MAST2: variants seen among roughly 807,000 people sequenced by gnomAD.
MAST2 encodes the protein microtubule associated serine/threonine kinase 2, also known as microtubule-associated serine/threonine-protein kinase 2.
MAST2 carries 70 observed loss-of-function variants against 147.4 expected under a neutral mutation model. That is an observed-to-expected ratio of 0.47 (90% CI 0.39 to 0.58). The LOEUF (loss-of-function observed/expected upper bound fraction) is 0.58. MAST2 is among the 20% of genes least tolerant of loss of function. The probability of loss-of-function intolerance (pLI) is 0.00; values close to 1 mark genes in which losing one functional copy is unlikely to be tolerated. For missense variants in MAST2, 2,080 were observed against 2,302.3 expected, an observed-to-expected ratio of 0.90 and a Z score of 1.98; for synonymous variants, 869 against 896.8, an observed-to-expected ratio of 0.97 and a Z score of 0.55.
intron 1 of MAST2, among the ~76,000 whole-genome samples, chr1:45,813,718 C>CG (rs1428969029): frequency 6.6e-6 from 1 of 152,006 alleles, no homozygotes; most frequent in Non-Finnish European, 1.5e-5. Flanking sequence ...AGGCTGGTCT[C>CG]GAACTTCTGA....
chr1:46,035,812 C>T lies in MAST2; in HGVS notation c.5143C>T (p.His1715Tyr). ...TQPPSAPRLA[H>Y]PSYEDPSQGW... ...GCCACCTAGTGCCCCCAGACTGGCCCATCCATCTTATGAGGATCCCAGCCA... is the reference window on the plus strand; with the variant it reads ...GCCACCTAGTGCCCCCAGACTGGCCTATCCATCTTATGAGGATCCCAGCCA... Residue 1715 changes from histidine to tyrosine, a missense_variant, in exon 29 of 29, where the codon CAT (histidine) becomes TAT (tyrosine). His to Tyr is a moderately conservative substitution (Grantham distance 83, BLOSUM62 2). This residue lies in a region of MAST2 where 1,278 missense variants were observed against 1,304.2 expected (regional missense o/e 0.98). Transcript: ENST00000361297. The surrounding 1 kb of genome is among the most constrained non-coding windows in gnomAD (Gnocchi z 5.5). 1 of 1,614,122 alleles carries T rather than the reference C, an allele frequency of 6.2e-7. No individual in the cohort carries two copies. The highest frequency in any genetic ancestry group is 8.5e-7 in the Non-Finnish European group (1 of 1,180,034).
At chr1:45,930,391 TTTTTGTTTTGTTTTGTTTTG>T (rs59192448) in intron 4 of MAST2, among the ~76,000 whole-genome samples, 1 of 147,164 alleles carries the variant, frequency 6.8e-6, no homozygotes, top group Non-Finnish European at 1.5e-5. Context: ...TTTTTTGTTT[TTTTTGTTTTGTTTTGTTTTG>T]TTTTGTTTTG....
rs1657967834 is a variant in MAST2, at chr1:45,945,949, C to T, written c.501-13437C>T. Among the ~76,000 whole-genome samples the T allele has an allele frequency of 2.6e-5, 4 of 152,314 alleles. No individual in the cohort carries two copies. The East Asian group carries it at 7.7e-4, about 29-fold the overall frequency. Reference sequence around the variant, plus strand: ...GGATGGCCTCAGTAGTGGAAGTGTACTCCATTCAGAGAAAAAAATCTATAG... The same window carrying T: ...GGATGGCCTCAGTAGTGGAAGTGTATTCCATTCAGAGAAAAAAATCTATAG... On this transcript the variant is annotated intron_variant, in intron 4 of 28. Coordinates refer to ENST00000361297, the MANE Select transcript of MAST2 (RefSeq NM_015112.3).
At chr1:45,943,745 T>C (rs1657651461) in intron 4 of MAST2, among the ~76,000 whole-genome samples, 1 of 151,296 alleles carries the variant, frequency 6.6e-6, no homozygotes, top group African/African-American at 2.4e-5. Context: ...AAACTCTGTC[T>C]CAAAAAATAA....
chr1:45,919,792 T>G (rs11211225), intron 4 of MAST2, among the ~76,000 whole-genome samples: 50,111 of 145,364 alleles, frequency 0.34, 8,597 homozygotes, highest in African/African-American at 0.44. Flanking sequence ...AAATTTCATG[T>G]TTTTTTTTTT....
At chr1:45,992,641 A>C (rs889203949) in intron 5 of MAST2, among the ~76,000 whole-genome samples, 3 of 152,148 alleles carry the variant, frequency 2.0e-5, no homozygotes, top group Non-Finnish European at 2.9e-5. Context: ...TGGTAGAATT[A>C]ATCAGTGAAA....
At chr1:45,810,969 C>T (rs996666287) in intron 1 of MAST2, among the ~76,000 whole-genome samples, 21 of 150,246 alleles carry the variant, frequency 1.4e-4, no homozygotes, top group Non-Finnish European at 2.8e-4. Context: ...TCTCCTGCCT[C>T]AGCCTCCCAA....
chr1:45,813,341 T>C (rs1419445533), intron 1 of MAST2, among the ~76,000 whole-genome samples: 2 of 152,084 alleles, frequency 1.3e-5, no homozygotes, highest in Non-Finnish European at 2.9e-5. Flanking sequence ...ATTATCATTT[T>C]TTTTTTGAGA....
At chr1:46,006,498 T>G in intron 8 of MAST2, 103 bp downstream of exon 8, 1 of 1,186,308 alleles carries the variant, frequency 8.4e-7, no homozygotes, top group South Asian at 2.2e-5. Context: ...AGATAGTAAA[T>G]ATTTTTAGGC....
intron 4 of MAST2, among the ~76,000 whole-genome samples, chr1:45,885,086 G>A (rs886890511): frequency 1.3e-5 from 2 of 152,158 alleles, no homozygotes; most frequent in Non-Finnish European, 2.9e-5. Flanking sequence ...TGGAAAAACT[G>A]ATGTTAATAA....
At chr1:45,922,805 C>T (rs953018909) in intron 4 of MAST2, among the ~76,000 whole-genome samples, 2 of 152,178 alleles carry the variant, frequency 1.3e-5, no homozygotes, top group African/African-American at 4.8e-5. Context: ...CTCTGTAGAG[C>T]ATGCAGCCCC....
intron 5 of MAST2, among the ~76,000 whole-genome samples, chr1:45,961,489 C>G (rs1369026332): frequency 6.6e-6 from 1 of 152,194 alleles, no homozygotes; most frequent in Non-Finnish European, 1.5e-5. Flanking sequence ...AATCTTCCTA[C>G]TCAAGTGGAT....
At chr1:45,842,502 G>A (rs896633354) in intron 3 of MAST2, among the ~76,000 whole-genome samples, 3 of 151,938 alleles carry the variant, frequency 2.0e-5, no homozygotes, top group African/African-American at 7.3e-5. Context: ...TCTGCATTTT[G>A]TCTCTATGGA....
chr1:45,872,756 C>T (rs899868586), intron 3 of MAST2, among the ~76,000 whole-genome samples: 7 of 152,174 alleles, frequency 4.6e-5, no homozygotes, highest in African/African-American at 1.7e-4. Flanking sequence ...GCTTGGATTA[C>T]AGGCGTGAGC....
chr1:45,991,432 A>T (rs982198098), intron 5 of MAST2, among the ~76,000 whole-genome samples: 5 of 152,150 alleles, frequency 3.3e-5, no homozygotes, highest in African/African-American at 1.2e-4. Context: ...ACTTGCTTGG[A>T]TTTTGATTGG....
chr1:45,938,715 A>T lies in MAST2; in HGVS notation c.501-20671A>T, dbSNP rs556063259. Among the ~76,000 whole-genome samples, 3 of 152,346 alleles carry T rather than the reference A, an allele frequency of 2.0e-5. No individual in the cohort carries two copies. In the South Asian group the frequency reaches 6.2e-4, roughly 32 times the overall value. ...ACAGAGTTTATTTTTTAACATTCTC[A>T]CCAGCACTAATTACTCTCTCTTCTT... On this transcript the variant is annotated intron_variant, in intron 4 of 28. Transcript: ENST00000361297.
In MAST2 at chr1:46,018,508, A is replaced by G. The variant is rs370689883; in HGVS notation, c.1189-1088A>G. Among the ~76,000 whole-genome samples, 8 of 152,314 alleles carry G rather than the reference A, an allele frequency of 5.3e-5. 1 individual carries two copies. In the South Asian group the frequency reaches 1.0e-3, roughly 20 times the overall value. ...TTAGAGAATTGAAGCGAGGGATATA[A>G]CCAGGCCTTAAGAAGGAACCAGAAC... On this transcript the variant is annotated intron_variant, in intron 10 of 28. Coordinates refer to ENST00000361297, the MANE Select transcript of MAST2 (RefSeq NM_015112.3).
intron 3 of MAST2, among the ~76,000 whole-genome samples, chr1:45,854,383 G>A (rs959424805): frequency 6.6e-6 from 1 of 151,492 alleles, no homozygotes; most frequent in Non-Finnish European, 1.5e-5. Context: ...TTTATTTCTG[G>A]GTTCTCTTTT....
At position 46,022,953 on chromosome 1, in the gene MAST2, G is replaced by A. The variant is rs781215313; in HGVS notation, c.1467G>A (p.Glu489=). ...GCTGTGACAGTCCTGACACTCCAGAGACAGATGATTCTATTGAGGTAAAAA... is the reference window on the plus strand; with the variant it reads ...GCTGTGACAGTCCTGACACTCCAGAAACAGATGATTCTATTGAGGTAAAAA... ...LSSCDSPDTP[E]TDDSIEGHGA... Residue 489 remains glutamate, a synonymous_variant, in exon 13 of 29, where the codon GAG becomes GAA. Coordinates refer to ENST00000361297, the MANE Select transcript of MAST2 (RefSeq NM_015112.3). 6 of 1,614,160 alleles carry A rather than the reference G, an allele frequency of 3.7e-6. No individual in the cohort carries two copies. In the Admixed American group the frequency reaches 6.7e-5, roughly 18 times the overall value.
Sources: allele counts gnomAD v4.1 joint callset (sites outside exome capture counted in the v4.1 genomes callset), GRCh38; gene constraint gnomAD v4.1.1; regional missense constraint gnomAD v4.1.1; non-coding constraint Gnocchi (gnomAD v3.1); transcripts MANE v1.5; gene names NCBI Gene and HGNC (gene_info 2026-07-23, HGNC 2026-07-21).